The following PRELID2 variants were observed in gnomAD, a reference collection of about 807,000 sequenced individuals.
PRELID2 encodes the protein PRELI domain-containing protein 2.
A neutral mutation model predicts 28.4 loss-of-function variants in PRELID2; 25 were observed. The observed-to-expected ratio is 0.88, with a 90% CI of 0.64 to 1.23. PRELID2 has a LOEUF of 1.23. Among genes scored for constraint, PRELID2 ranks in the 50% most tolerant of loss-of-function variants. PRELID2 has a pLI of 0.00. For missense variants in PRELID2, 201 were observed against 214.4 expected (o/e 0.94, Z 0.39); for synonymous variants, 76 against 71.6 (o/e 1.06, Z -0.31).
chr5:145,443,083 T>G, the PRELID2 span, among the ~76,000 whole-genome samples: 1 of 151,992 alleles, frequency 6.6e-6, no homozygotes, highest in Non-Finnish European at 1.5e-5. Flanking sequence ...GGGATAGGAA[T>G]CTTGATGATG....
At chr5:145,451,531 G>T in the PRELID2 span, among the ~76,000 whole-genome samples, 2 of 152,092 alleles carry the variant, frequency 1.3e-5, no homozygotes, top group Non-Finnish European at 2.9e-5. Context: ...CAGAGATCGC[G>T]CCCTACCTCT....
At chr5:145,489,079 A>G (rs1215050037) in intron 1 of PRELID2, among the ~76,000 whole-genome samples, 1 of 152,190 alleles carries the variant, frequency 6.6e-6, no homozygotes, top group Admixed American at 6.5e-5. Context: ...CAATTCAGCT[A>G]CAGTACCCTA....
At chr5:145,646,850 T>C (rs1326232008) in intron 1 of PRELID2, among the ~76,000 whole-genome samples, 1 of 152,246 alleles carries the variant, frequency 6.6e-6, no homozygotes. Flanking sequence ...CAGCGGAGGC[T>C]GCAGTACAGC....
the PRELID2 span, among the ~76,000 whole-genome samples, chr5:145,344,997 A>AT: frequency 2.6e-5 from 4 of 152,014 alleles, no homozygotes; most frequent in Non-Finnish European, 5.9e-5. Flanking sequence ...TTCATATTGG[A>AT]TTTTTTATAC....
the PRELID2 span, among the ~76,000 whole-genome samples, chr5:145,275,825 C>T: frequency 6.6e-6 from 1 of 152,140 alleles, no homozygotes; most frequent in Non-Finnish European, 1.5e-5. Flanking sequence ...GCCTCTACCA[C>T]TTACCAGCTT....
intron 1 of PRELID2, among the ~76,000 whole-genome samples, chr5:145,505,936 T>G (rs554858788): frequency 6.6e-6 from 1 of 152,268 alleles, no homozygotes; most frequent in East Asian, 1.9e-4. Flanking sequence ...ATGAAATATC[T>G]AAAAAGTCAA....
chr5:145,812,085 G>A (rs375189371), intron 4 of PRELID2, among the ~76,000 whole-genome samples: 11 of 152,080 alleles, frequency 7.2e-5, no homozygotes, highest in East Asian at 1.9e-4. Context: ...CTCTGAACAC[G>A]CTGATTGGTC....
At chr5:145,424,048 G>A in the PRELID2 span, among the ~76,000 whole-genome samples, 32,194 of 140,156 alleles carry the variant, frequency 0.23, 3,689 homozygotes, top group South Asian at 0.4. Flanking sequence ...TAGGCTGCTC[G>A]GGGGTCAGGG....
chr5:145,796,286 A>G (rs1322040985), intron 5 of PRELID2, 156 bp downstream of exon 5: 1 of 446,758 alleles, frequency 2.2e-6, no homozygotes. Context: ...ATTTGAATTT[A>G]TGTAATAATT....
the PRELID2 span, among the ~76,000 whole-genome samples, chr5:145,333,643 G>A: frequency 2.0e-5 from 3 of 152,090 alleles, no homozygotes; most frequent in Admixed American, 6.5e-5. Context: ...AGCATCCCAG[G>A]TTACTTCAGA....
At chr5:145,616,282 A>G (rs1003061921) in intron 1 of PRELID2, among the ~76,000 whole-genome samples, 1 of 152,158 alleles carries the variant, frequency 6.6e-6, no homozygotes, top group Non-Finnish European at 1.5e-5. Flanking sequence ...TTGGATGTCT[A>G]GGTCTCCAGC....
At chr5:145,407,524 G>T in the PRELID2 span, among the ~76,000 whole-genome samples, 1 of 152,038 alleles carries the variant, frequency 6.6e-6, no homozygotes, top group Non-Finnish European at 1.5e-5. Flanking sequence ...TTCTCTACCT[G>T]CCCTGGTAGC....
chr5:145,598,617 T>C (rs1354001012), intron 1 of PRELID2, among the ~76,000 whole-genome samples: 2 of 152,200 alleles, frequency 1.3e-5, no homozygotes, highest in Non-Finnish European at 2.9e-5. Flanking sequence ...CACTCCTCAC[T>C]GTTGTGGCAC....
At chr5:145,804,901 A>C (rs572833262) in intron 4 of PRELID2, among the ~76,000 whole-genome samples, 73 of 152,300 alleles carry the variant, frequency 4.8e-4, no homozygotes, top group African/African-American at 1.7e-3. Context: ...TATCAGGCCC[A>C]ACAGTGCATG....
chr5:145,506,969 T>C (rs1752417871), intron 1 of PRELID2, among the ~76,000 whole-genome samples: 1 of 152,186 alleles, frequency 6.6e-6, no homozygotes, highest in Admixed American at 6.5e-5. Flanking sequence ...ACTCATTTGT[T>C]TGTTGGCTCA....
At chr5:145,230,574 G>C in the PRELID2 span, among the ~76,000 whole-genome samples, 6 of 151,614 alleles carry the variant, frequency 4.0e-5, no homozygotes, top group East Asian at 1.2e-3. Context: ...GCGAGACTCT[G>C]TCTCAAAAAA....
chr5:145,424,596 C>A, the PRELID2 span, among the ~76,000 whole-genome samples: 1 of 152,122 alleles, frequency 6.6e-6, no homozygotes, highest in Non-Finnish European at 1.5e-5. Flanking sequence ...TGCTTCGGCT[C>A]GCGCACGGTG....
the PRELID2 span, among the ~76,000 whole-genome samples, chr5:145,277,887 G>A: frequency 6.6e-6 from 1 of 152,070 alleles, no homozygotes; most frequent in Non-Finnish European, 1.5e-5. Context: ...GCCACCCTGT[G>A]GCCTTCTATT....
intron 1 of PRELID2, among the ~76,000 whole-genome samples, chr5:145,684,931 C>A (rs928754424): frequency 6.6e-6 from 1 of 152,162 alleles, no homozygotes; most frequent in Non-Finnish European, 1.5e-5. Flanking sequence ...GCTTCAAAGT[C>A]CAGACCAAGG....
Sources: gnomAD v4.1 joint callset for allele counts (sites outside exome capture counted in the v4.1 genomes callset) on GRCh38, gnomAD v4.1.1 for gene constraint, MANE v1.5 for transcripts, NCBI Gene and HGNC (gene_info 2026-07-23, HGNC 2026-07-21) for gene names.